Variants in DCLK3 observed in about 807,000 individuals in gnomAD.
The protein encoded by DCLK3 is serine/threonine-protein kinase DCLK3.
Under a neutral mutation model 46.4 loss-of-function variants are expected in DCLK3, and 30 were observed. The observed-to-expected ratio is 0.65, with a 90% CI of 0.48 to 0.88. The LOEUF is 0.88. Ranked by LOEUF, DCLK3 falls within the 40% of genes least tolerant of loss-of-function variation. The pLI, the probability that DCLK3 is intolerant of heterozygous loss-of-function variation, is 0.00. For missense variants in DCLK3, 846 were observed against 907.1 expected (o/e 0.93, Z 0.87); for synonymous variants, 401 against 339.2 (o/e 1.18, Z -2.00).
Position 36,718,305 on chromosome 3 carries a change from C to T in DCLK3, c.2093-128G>A, listed in dbSNP as rs567892553. Reference sequence around the variant, plus strand: ...ATAGAGGATCCCAGCTCTCAGCAACCAAGAGCCACTTCCAAACACAGCTCC... The same window carrying T: ...ATAGAGGATCCCAGCTCTCAGCAACTAAGAGCCACTTCCAAACACAGCTCC... On this transcript the variant is annotated intron_variant, in intron 3 of 4. Coordinates refer to ENST00000636136, the MANE Select transcript of DCLK3 (RefSeq NM_001394672.2). 14 of 1,284,050 alleles carry T rather than the reference C, an allele frequency of 1.1e-5. 1 individual carries two copies. The Admixed American group carries it at 1.3e-4, about 12-fold the overall frequency. The allele number at this position is 1,284,050 out of a possible 1,614,324, so 79.5% of individuals were successfully genotyped here.
intron 1 of DCLK3, among the ~76,000 whole-genome samples, chr3:36,748,443 T>C (rs1031031749): frequency 6.6e-6 from 1 of 152,146 alleles, no homozygotes; most frequent in African/African-American, 2.4e-5. Context: ...ACCAGCCACC[T>C]GCCTTCCCCA....
chr3:36,717,938 G>A, intron 4 of DCLK3, 72 bp downstream of exon 4: 20 of 1,582,144 alleles, frequency 1.3e-5, no homozygotes, highest in Non-Finnish European at 1.7e-5. Flanking sequence ...AGGCACAGTG[G>A]TGGGTCCTCT....
chr3:36,762,527 T>A (rs1701549021), intron 1 of DCLK3, among the ~76,000 whole-genome samples: 1 of 152,194 alleles, frequency 6.6e-6, no homozygotes, highest in African/African-American at 2.4e-5. Flanking sequence ...ACAAAGGATG[T>A]CATGCTTCAG....
chr3:36,730,246 T>C (rs1701184006), intron 2 of DCLK3, among the ~76,000 whole-genome samples: 1 of 149,526 alleles, frequency 6.7e-6, no homozygotes, highest in Non-Finnish European at 1.5e-5. Flanking sequence ...AAACATACCA[T>C]AATACAAAAG....
At chr3:36,761,028 A>G (rs558859494) in intron 1 of DCLK3, among the ~76,000 whole-genome samples, 140 of 152,310 alleles carry the variant, frequency 9.2e-4, no homozygotes, top group Non-Finnish European at 1.8e-3. Context: ...ACTACACACT[A>G]CATGACACCC....
chr3:36,739,637 C>T (rs538387238), intron 1 of DCLK3, among the ~76,000 whole-genome samples: 38 of 152,318 alleles, frequency 2.5e-4, no homozygotes, highest in African/African-American at 8.7e-4. Context: ...TCCCCAGCCA[C>T]GTGGAACTAA....
intron 2 of DCLK3, among the ~76,000 whole-genome samples, chr3:36,730,578 G>T (rs1701187660): frequency 1.3e-5 from 2 of 152,120 alleles, no homozygotes; most frequent in South Asian, 2.1e-4. Flanking sequence ...TGGGATAAGG[G>T]CTGCGTTGTC....
At chr3:36,757,817 A>C (rs571877882) in intron 1 of DCLK3, among the ~76,000 whole-genome samples, 1 of 151,986 alleles carries the variant, frequency 6.6e-6, no homozygotes, top group Non-Finnish European at 1.5e-5. Flanking sequence ...GACCTCCAAG[A>C]CCAAGAGTCA....
At chr3:36,751,061 TCTAAAAAAAA>T (rs1471664621) in intron 1 of DCLK3, among the ~76,000 whole-genome samples, 2 of 28,228 alleles carry the variant, frequency 7.1e-5, no homozygotes, top group Non-Finnish European at 7.6e-5. Flanking sequence ...GACGGGATGA[TCTAAAAAAAA>T]AAAAAAAAAA....
chr3:36,748,577 C>G (rs140469174), intron 1 of DCLK3, among the ~76,000 whole-genome samples: 177 of 152,284 alleles, frequency 1.2e-3, no homozygotes, highest in South Asian at 3.9e-3. Flanking sequence ...ACAGGAGCCA[C>G]AGTGCACATG....
rs144341295 is a variant in DCLK3, at chr3:36,754,352, C to T, written c.82+9830G>A. On this transcript the variant is annotated intron_variant, in intron 1 of 4. Coordinates refer to ENST00000636136, the MANE Select transcript of DCLK3 (RefSeq NM_001394672.2). ...CTCTTTTCTTTTTAAATTAATAAGC[C>T]CACTGATTTTGGTTTTCTTAACTTG... is the stretch of plus-strand genomic sequence containing the variant. Among the ~76,000 whole-genome samples the T allele has an allele frequency of 5.4e-3, 822 of 152,174 alleles. 4 individuals are homozygous for T. The highest frequency in any genetic ancestry group is 7.9e-3 in the Non-Finnish European group (538 of 68,012).
intron 1 of DCLK3, among the ~76,000 whole-genome samples, chr3:36,763,741 T>G (rs1171449438): frequency 6.6e-6 from 1 of 152,174 alleles, no homozygotes; most frequent in Admixed American, 6.5e-5. Context: ...TCTTTACAGA[T>G]TTGTGGAGAG....
intron 1 of DCLK3, among the ~76,000 whole-genome samples, chr3:36,748,710 A>G (rs1212031056): frequency 6.6e-6 from 1 of 152,152 alleles, no homozygotes; most frequent in Non-Finnish European, 1.5e-5. Context: ...GCCAGCGACC[A>G]TAACACTAAC....
chr3:36,737,649 G>T lies in DCLK3; in HGVS notation c.1518C>A (p.Pro506=). ...CCATGGGCCGTGGCTTCCGACCGCTGGGCCGCTCTGGCTTGTTCTCTTCTG... is the reference window on the plus strand; with the variant it reads ...CCATGGGCCGTGGCTTCCGACCGCTTGGCCGCTCTGGCTTGTTCTCTTCTG... ...TRPEENKPER[P]SGRKPRPMGI... Residue 506 remains proline (P), a synonymous_variant, in exon 2 of 5, where the codon CCC becomes CCA. Transcript: ENST00000636136. This position sits in a 1 kb window ranked among gnomAD's most constrained non-coding sequence, Gnocchi z 4.4. The T allele has an allele frequency of 6.2e-7, 1 of 1,613,974 alleles. No homozygotes were observed. The highest frequency in any genetic ancestry group is 8.5e-7 in the Non-Finnish European group (1 of 1,179,938).
intron 2 of DCLK3, among the ~76,000 whole-genome samples, chr3:36,725,739 T>C (rs770512582): frequency 6.6e-5 from 10 of 152,220 alleles, no homozygotes; most frequent in Non-Finnish European, 8.8e-5. Context: ...AAAGGCCCAG[T>C]TTGCCTTGGA....
rs5847933 is a variant in DCLK3, at chr3:36,751,063, T to TAAAAAAAAAAAAAA, written c.83-11993_83-11980dup. ...TGATATCCCTGTAGACGGGATGATC[T>TAAAAAAAAAAAAAA]AAAAAAAAAAAAAAAAAAAAAAACT... On this transcript the variant is annotated intron_variant, in intron 1 of 4. Coordinates refer to ENST00000636136, the MANE Select transcript of DCLK3 (RefSeq NM_001394672.2). 6.9e-3 allele frequency among the ~76,000 whole-genome samples: 529 copies of TAAAAAAAAAAAAAA among 76,384 alleles called. 104 individuals are homozygous for TAAAAAAAAAAAAAA. The highest frequency in any genetic ancestry group is 0.031 in the Middle Eastern group (3 of 96). 50.1% of individuals were successfully genotyped at this position (76,384 alleles called of 152,430 possible). A position where few individuals can be genotyped will look rare whatever the true frequency, so the allele number is the denominator to read the frequency against.
rs549912705 is a variant in DCLK3 at position 36,752,727 on chromosome 3, G to C, written c.82+11455C>G. Reference sequence around the variant, plus strand: ...ATTGCTCCATCCCCCTCCCTCACCAGTCTGGTTTCTTTCTGCATAGCACAT... The same window carrying C: ...ATTGCTCCATCCCCCTCCCTCACCACTCTGGTTTCTTTCTGCATAGCACAT... On this transcript the variant is annotated intron_variant, in intron 1 of 4. Transcript: ENST00000636136. Among the ~76,000 whole-genome samples, 6 of 152,210 alleles carry C rather than the reference G, an allele frequency of 3.9e-5. No homozygotes were observed. The East Asian group carries it at 1.2e-3, about 29-fold the overall frequency.
rs564130083 is a variant in DCLK3, at chr3:36,752,547, T to G, written c.82+11635A>C. Among the ~76,000 whole-genome samples, 387 of 152,310 alleles carry G rather than the reference T, an allele frequency of 2.5e-3. 2 individuals are homozygous for G. The highest frequency in any genetic ancestry group is 9.0e-3 in the African/African-American group (374 of 41,562). On this transcript the variant is annotated intron_variant, in intron 1 of 4. Coordinates refer to ENST00000636136, the MANE Select transcript of DCLK3 (RefSeq NM_001394672.2). ...TCATAAGTAGAAGACATTCCTTCTC[T>G]CCTGTTTCATTAAAAACAAAAGGCA...
At chr3:36,722,782 C>G (rs1157587923) in intron 2 of DCLK3, among the ~76,000 whole-genome samples, 2 of 152,202 alleles carry the variant, frequency 1.3e-5, no homozygotes, top group African/African-American at 4.8e-5. Flanking sequence ...TGTGGGAAGG[C>G]CTCCCCAGCC....
Sources: allele counts gnomAD v4.1 joint callset (sites outside exome capture counted in the v4.1 genomes callset), GRCh38; gene constraint gnomAD v4.1.1; non-coding constraint Gnocchi (gnomAD v3.1); transcripts MANE v1.5; gene names NCBI Gene and HGNC (gene_info 2026-07-23, HGNC 2026-07-21).